SYTL3: variants seen among roughly 807,000 people sequenced by gnomAD.
SYTL3 encodes the protein synaptotagmin like 3.
SYTL3 carries 88 observed loss-of-function variants against 82.1 expected under a neutral mutation model. The ratio of observed to expected loss-of-function variants is 1.07; its 90% CI spans 0.90 to 1.28. SYTL3 has a LOEUF of 1.28. SYTL3 is among the 50% of genes most tolerant of loss of function. SYTL3 has a pLI of 0.00. For missense variants in SYTL3, 831 were observed against 757.6 expected (o/e 1.10, Z -1.14); for synonymous variants, 311 against 289.4 (o/e 1.07, Z -0.76).
At chr6:158,702,073 A>G (rs1207871200) in intron 6 of SYTL3, among the ~76,000 whole-genome samples, 3 of 151,934 alleles carry the variant, frequency 2.0e-5, no homozygotes, top group Non-Finnish European at 4.4e-5. Context: ...CCTGGGCTCA[A>G]GCTATCCTCC....
intron 6 of SYTL3, among the ~76,000 whole-genome samples, chr6:158,705,727 G>A (rs913095809): frequency 2.4e-5 from 1 of 41,382 alleles, no homozygotes; most frequent in Non-Finnish European, 4.8e-5. Flanking sequence ...CAGGGTGATA[G>A]GTGAGGGCTG....
intron 11 of SYTL3, among the ~76,000 whole-genome samples, chr6:158,738,994 A>G (rs1446833937): frequency 6.6e-6 from 1 of 152,160 alleles, no homozygotes; most frequent in East Asian, 1.9e-4. Flanking sequence ...TGCACTTGGC[A>G]TTCCCACCTT....
chr6:158,690,832 C>G (rs567856141), intron 6 of SYTL3, among the ~76,000 whole-genome samples: 2 of 152,256 alleles, frequency 1.3e-5, no homozygotes, highest in Admixed American at 1.3e-4. Flanking sequence ...ATCAAAGCAC[C>G]CAGACCTTCA....
intron 5 of SYTL3, 68 bp downstream of exon 5, chr6:158,665,681 G>A (rs1175206574): frequency 4.8e-6 from 6 of 1,248,180 alleles, no homozygotes; most frequent in South Asian, 1.5e-5. Context: ...TTTACAAACC[G>A]CTCATAAAGA....
intron 6 of SYTL3, among the ~76,000 whole-genome samples, chr6:158,703,153 TAAAAAAAA>T (rs71297001): frequency 4.2e-5 from 4 of 94,888 alleles, no homozygotes; most frequent in Admixed American, 1.2e-4. Flanking sequence ...GACTCTGTCT[TAAAAAAAA>T]AAAAAAAAAA....
chr6:158,754,903 C>T lies in SYTL3; in HGVS notation c.1138-2308C>T, dbSNP rs1343837765. 2.0e-5 allele frequency among the ~76,000 whole-genome samples: 3 copies of T among 152,230 alleles called. No individual in the cohort carries two copies. The East Asian group carries it at 5.8e-4, about 29-fold the overall frequency. ...CGACCCTGCTAAGTGGCGTGGCGTT[C>T]TAGTAACCGCTTCATTTCTCAGAGG... On this transcript the variant is annotated intron_variant, in intron 13 of 17. Transcript: ENST00000611299.
chr6:158,660,041 G>A (rs952628400), intron 2 of SYTL3, among the ~76,000 whole-genome samples: 13 of 152,082 alleles, frequency 8.5e-5, no homozygotes, highest in South Asian at 8.3e-4. Context: ...TTGGGACGCC[G>A]AGGGCCTGAG....
At chr6:158,705,344 G>A (rs9457448) in intron 6 of SYTL3, among the ~76,000 whole-genome samples, 20 of 98,642 alleles carry the variant, frequency 2.0e-4, no homozygotes, top group South Asian at 5.9e-4. Context: ...AGTGAGGGCT[G>A]TAAGGCCACA....
chr6:158,734,359 A>G (rs1395405269), intron 11 of SYTL3, among the ~76,000 whole-genome samples: 2 of 152,026 alleles, frequency 1.3e-5, no homozygotes, highest in Non-Finnish European at 2.9e-5. Context: ...ACATCCTTGT[A>G]GCCCTAGAAA....
At chr6:158,674,378 T>C (rs1209384360) in intron 5 of SYTL3, among the ~76,000 whole-genome samples, 2 of 152,206 alleles carry the variant, frequency 1.3e-5, no homozygotes, top group African/African-American at 4.8e-5. Flanking sequence ...CAGAGGTGGG[T>C]CTTAAATGTT....
chr6:158,754,177 G>A (rs1006636941), intron 13 of SYTL3, among the ~76,000 whole-genome samples: 1 of 152,146 alleles, frequency 6.6e-6, no homozygotes, highest in Non-Finnish European at 1.5e-5. Flanking sequence ...CAAATGCGAG[G>A]ATCTAGAAAT....
In SYTL3 at chr6:158,693,859, T is replaced by C. The variant is rs1399183386; in HGVS notation, c.394+10870T>C. ...TCCAGCCTTTCTTTTTCTTTTCTTTTTTTTTTTTTTTTTTGTAGATACAGG... is the reference window on the plus strand; with the variant it reads ...TCCAGCCTTTCTTTTTCTTTTCTTTCTTTTTTTTTTTTTTGTAGATACAGG... On this transcript the variant is annotated intron_variant, in intron 6 of 17. Coordinates refer to ENST00000611299, the MANE Select transcript of SYTL3 (RefSeq NM_001242394.2). 4.9e-5 allele frequency among the ~76,000 whole-genome samples: 5 copies of C among 102,176 alleles called. No individual in the cohort carries two copies. In the East Asian group the frequency reaches 8.9e-4, roughly 18 times the overall value. The allele number at this position is 102,176 out of a possible 152,430, so 67.0% of individuals were successfully genotyped here.
chr6:158,682,300 A>G (rs1778783890), intron 5 of SYTL3, among the ~76,000 whole-genome samples: 1 of 150,414 alleles, frequency 6.6e-6, no homozygotes, highest in South Asian at 2.1e-4. Flanking sequence ...TTCACAAAAT[A>G]TTAAGTACTG....
At chr6:158,743,357 GT>G (rs1787179446) in intron 11 of SYTL3, among the ~76,000 whole-genome samples, 1 of 152,158 alleles carries the variant, frequency 6.6e-6, no homozygotes, top group Admixed American at 6.5e-5. Flanking sequence ...TCTTGAAATA[GT>G]TTAGTTGTTT....
At chr6:158,725,709 C>T (rs1784648854) in intron 11 of SYTL3, 72 bp downstream of exon 11, 9 of 1,550,114 alleles carry the variant, frequency 5.8e-6, no homozygotes, top group African/African-American at 1.4e-5. Flanking sequence ...ATGTACAAGT[C>T]CTTATTTCAA....
In SYTL3 at chr6:158,725,608, A is replaced by T; in HGVS notation, c.826A>T (p.Ser276Cys). ...GAATCTCCCATCCAGTCCGGCACCC[A>T]GTACCATATTCTCTGGAGGTTTTAG... ...QQNLPSSPAP[S>C]TIFSGGFRHG... Residue 276 changes from serine (S) to cysteine (C), a missense_variant, in exon 11 of 18, where the codon AGT becomes TGT. Physicochemically the swap from Ser to Cys is moderately radical, Grantham distance 112 (BLOSUM62 -1). Coordinates refer to ENST00000611299, the MANE Select transcript of SYTL3 (RefSeq NM_001242394.2). The T allele has an allele frequency of 6.2e-7, 1 of 1,614,214 alleles. No homozygotes were observed. The highest frequency in any genetic ancestry group is 8.5e-7 in the Non-Finnish European group (1 of 1,180,038).
At chr6:158,736,120 G>C (rs1031723878) in intron 11 of SYTL3, among the ~76,000 whole-genome samples, 1 of 152,160 alleles carries the variant, frequency 6.6e-6, no homozygotes, top group African/African-American at 2.4e-5. Context: ...GGGAGGCCAG[G>C]GCGGGTGGAT....
chr6:158,651,278 A>G (rs1283334209), intron 1 of SYTL3, among the ~76,000 whole-genome samples: 1 of 152,204 alleles, frequency 6.6e-6, no homozygotes, highest in Non-Finnish European at 1.5e-5. Context: ...AATTGTGAGT[A>G]GTACCTAGAA....
intron 6 of SYTL3, among the ~76,000 whole-genome samples, chr6:158,694,987 G>A (rs1204988500): frequency 2.0e-5 from 3 of 152,142 alleles, no homozygotes; most frequent in Non-Finnish European, 2.9e-5. Flanking sequence ...TATCAGGTTC[G>A]TCAATATTTT....
Sources: allele counts gnomAD v4.1 joint callset (sites outside exome capture counted in the v4.1 genomes callset), GRCh38; gene constraint gnomAD v4.1.1; transcripts MANE v1.5; gene names NCBI Gene and HGNC (gene_info 2026-07-23, HGNC 2026-07-21).